MSL3B: variants seen among roughly 807,000 people sequenced by gnomAD.
MSL3B encodes the protein MSL complex subunit 3B, also known as MSL complex subunit 3 pseudogene 1.
chr2:233,867,770 G>A, the MSL3B span, among the ~76,000 whole-genome samples: 1 of 144,366 alleles, frequency 6.9e-6, no homozygotes, highest in African/African-American at 2.6e-5. Flanking sequence ...GAGCCACCGC[G>A]CCCAGACCCT....
the MSL3B span, chr2:233,867,020 G>A: frequency 3.2e-6 from 4 of 1,257,382 alleles, no homozygotes; most frequent in Non-Finnish European, 4.7e-6. Context: ...CCTCTCATTG[G>A]CTGAAAAGGC....
the MSL3B span, chr2:233,868,242 G>GGCGTCCGACGGGA: frequency 5.2e-6 from 2 of 387,418 alleles, no homozygotes; most frequent in Non-Finnish European, 1.1e-5. Context: ...TAGGTCGGAC[G>GGCGTCCGACGGGA]GCGTCCGACG....
At chr2:233,868,313 A>T in the MSL3B span, 1 of 230,970 alleles carries the variant, frequency 4.3e-6, no homozygotes, top group African/African-American at 2.3e-5. Flanking sequence ...TTTAACGCGA[A>T]GAGAGAAACC....
chr2:233,867,976 A>C, the MSL3B span: 1 of 169,802 alleles, frequency 5.9e-6, no homozygotes, highest in South Asian at 1.1e-4. Context: ...TTTTTAGTAG[A>C]GACAGAGTTT....
the MSL3B span, chr2:233,868,042 G>A: frequency 4.2e-6 from 1 of 239,304 alleles, no homozygotes. Context: ...ACCCGCCTCC[G>A]CCTCCCAAAA....
the MSL3B span, among the ~76,000 whole-genome samples, chr2:233,864,669 T>A: frequency 6.6e-6 from 1 of 152,240 alleles, no homozygotes; most frequent in Non-Finnish European, 1.5e-5. Flanking sequence ...GAAGTTATTT[T>A]AAAAACATTT....
chr2:233,865,391 T>TTA, the MSL3B span: 3 of 152,220 alleles, frequency 2.0e-5, no homozygotes, highest in Non-Finnish European at 2.9e-5. Flanking sequence ...TAGCATTCTC[T>TTA]TATATTCCAA....
the MSL3B span, chr2:233,868,184 G>A: frequency 2.2e-6 from 1 of 451,900 alleles, no homozygotes; most frequent in Non-Finnish European, 4.6e-6. Flanking sequence ...CAGCTATTCT[G>A]GGATCTTTCT....
At chr2:233,867,933 G>T in the MSL3B span, among the ~76,000 whole-genome samples, 1 of 151,454 alleles carries the variant, frequency 6.6e-6, no homozygotes, top group Non-Finnish European at 1.5e-5. Context: ...TGGGATTACA[G>T]GCGCCCGCCA....
At chr2:233,867,977 G>A in the MSL3B span, 1 of 170,098 alleles carries the variant, frequency 5.9e-6, no homozygotes, top group African/African-American at 2.4e-5. Flanking sequence ...TTTTAGTAGA[G>A]ACAGAGTTTC....
the MSL3B span, chr2:233,866,727 T>C: frequency 3.8e-6 from 3 of 794,170 alleles, no homozygotes; most frequent in Non-Finnish European, 7.0e-6. Context: ...TGACTCTCTG[T>C]AGACTGCGGC....
the MSL3B span, chr2:233,866,454 C>A: frequency 2.4e-6 from 3 of 1,259,124 alleles, no homozygotes; most frequent in Admixed American, 1.7e-5. Context: ...TCAAAGCCAG[C>A]AAACACAGGA....
chr2:233,866,945 T>G, the MSL3B span: 1 of 1,426,918 alleles, frequency 7.0e-7, no homozygotes, highest in Admixed American at 1.7e-5. Context: ...AAGGTCAATA[T>G]TCTTTTCTGC....
At chr2:233,865,133 T>C in the MSL3B span, among the ~76,000 whole-genome samples, 1 of 152,190 alleles carries the variant, frequency 6.6e-6, no homozygotes, top group Non-Finnish European at 1.5e-5. Context: ...ATGTAGCAAT[T>C]TGTGGGCTAG....
At chr2:233,867,768 G>A in the MSL3B span, among the ~76,000 whole-genome samples, 1 of 146,830 alleles carries the variant, frequency 6.8e-6, no homozygotes, top group African/African-American at 2.5e-5. Flanking sequence ...GTGAGCCACC[G>A]CGCCCAGACC....
chr2:233,866,624 T>C, the MSL3B span: 3 of 803,556 alleles, frequency 3.7e-6, no homozygotes, highest in African/African-American at 3.4e-5. Flanking sequence ...CCTGTCACAG[T>C]TGGCGGTGTG....
the MSL3B span, among the ~76,000 whole-genome samples, chr2:233,867,719 CCGCCCACCT>C: frequency 6.6e-6 from 1 of 150,628 alleles, no homozygotes; most frequent in East Asian, 2.0e-4. Flanking sequence ...CTCAAGTGAT[CCGCCCACCT>C]CGGCCTCCTA....
the MSL3B span, among the ~76,000 whole-genome samples, chr2:233,864,709 C>T: frequency 6.6e-6 from 1 of 152,170 alleles, no homozygotes; most frequent in Admixed American, 6.5e-5. Context: ...AAAATATTGT[C>T]AGTTCGACAT....
chr2:233,868,170 G>T, the MSL3B span: 1 of 438,168 alleles, frequency 2.3e-6, no homozygotes, highest in Non-Finnish European at 4.7e-6. Context: ...CCGTTACAAC[G>T]GATCAGCTAT....
Sources: allele counts gnomAD v4.1 joint callset (sites outside exome capture counted in the v4.1 genomes callset), GRCh38; gene constraint gnomAD v4.1.1; transcripts MANE v1.5; gene names NCBI Gene and HGNC (gene_info 2026-07-23, HGNC 2026-07-21).